The following TAFA2 variants were observed in gnomAD, a reference collection of about 807,000 sequenced individuals.
TAFA2 encodes the protein TAFA chemokine like family member 2, also known as chemokine-like protein TAFA-2.
A neutral mutation model predicts 18.8 loss-of-function variants in TAFA2; 7 were observed. The observed-to-expected ratio is 0.37, with a 90% CI of 0.21 to 0.70. The LOEUF is 0.70. Ranked by LOEUF, TAFA2 falls within the 30% of genes least tolerant of loss-of-function variation. The probability of loss-of-function intolerance (pLI) is 0.53; values close to 1 mark genes in which losing one functional copy is unlikely to be tolerated. For missense variants in TAFA2, 122 were observed against 158.1 expected (o/e 0.77, Z 1.23); for synonymous variants, 60 against 54.2 (o/e 1.11, Z -0.47).
intron 1 of TAFA2, among the ~76,000 whole-genome samples, chr12:62,224,967 G>A (rs754449247): frequency 4.6e-5 from 7 of 152,178 alleles, no homozygotes; most frequent in Non-Finnish European, 8.8e-5. Context: ...AGTTCCACAC[G>A]CCTGTAATCC....
chr12:61,745,740 C>T (rs1370144215), intron 4 of TAFA2, among the ~76,000 whole-genome samples: 1 of 151,972 alleles, frequency 6.6e-6, no homozygotes, highest in Non-Finnish European at 1.5e-5. Context: ...AGAGATTCTG[C>T]AGATGTAATT....
intron 2 of TAFA2, among the ~76,000 whole-genome samples, chr12:61,837,971 A>G (rs1057029345): frequency 2.0e-5 from 3 of 151,998 alleles, no homozygotes; most frequent in Non-Finnish European, 4.4e-5. Context: ...TGAAAATTCT[A>G]TGCTGCCACA....
At chr12:62,222,160 G>A (rs1417403313) in intron 1 of TAFA2, among the ~76,000 whole-genome samples, 1 of 152,084 alleles carries the variant, frequency 6.6e-6, no homozygotes, top group African/African-American at 2.4e-5. Flanking sequence ...GCCTACCTGT[G>A]CCTATATGCC....
chr12:62,053,189 A>C (rs1215335764), intron 1 of TAFA2, among the ~76,000 whole-genome samples: 1 of 152,236 alleles, frequency 6.6e-6, no homozygotes, highest in Non-Finnish European at 1.5e-5. Flanking sequence ...AAAAGCAATC[A>C]GTACATTTTC....
intron 1 of TAFA2, among the ~76,000 whole-genome samples, chr12:61,906,701 A>G (rs1457775357): frequency 6.6e-6 from 1 of 152,196 alleles, no homozygotes; most frequent in Non-Finnish European, 1.5e-5. Context: ...GAAAGTTTGG[A>G]TCTTCCTGGA....
In TAFA2 at chr12:61,936,567, C is replaced by CA. The variant is rs561215187; in HGVS notation, c.-1-69142dup. On this transcript the variant is annotated intron_variant, in intron 1 of 4. Coordinates refer to ENST00000416284, the MANE Select transcript of TAFA2 (RefSeq NM_178539.5). ...TGGGTGACAGAATGAGACTCCGTCT[C>CA]AAAAAAACATAAAAATACAAATAAA... Among the ~76,000 whole-genome samples the CA allele has an allele frequency of 5.5e-4, 82 of 148,334 alleles. 1 individual carries two copies. The South Asian group carries it at 0.016, about 29-fold the overall frequency.
chr12:62,025,185 T>C (rs924172344), intron 1 of TAFA2, among the ~76,000 whole-genome samples: 1 of 152,144 alleles, frequency 6.6e-6, no homozygotes, highest in Non-Finnish European at 1.5e-5. Flanking sequence ...TTTTCACTTA[T>C]AAGTGGGAGC....
At chr12:62,217,429 T>G (rs1316060448) in intron 1 of TAFA2, among the ~76,000 whole-genome samples, 1 of 152,194 alleles carries the variant, frequency 6.6e-6, no homozygotes, top group Non-Finnish European at 1.5e-5. Context: ...TGGGCCCTGG[T>G]AGACAGAGAG....
At position 62,075,075 on chromosome 12, in the gene TAFA2, T is replaced by A. The variant is rs188527981; in HGVS notation, c.-2+116184A>T. Among the ~76,000 whole-genome samples, 32 of 152,324 alleles carry A rather than the reference T, an allele frequency of 2.1e-4. No homozygotes were observed. In the East Asian group the frequency reaches 5.6e-3, roughly 27 times the overall value. ...AAATATGGACATAAATGTTATTACA[T>A]TTTCAGATGACAACCATTGAACCAA... On this transcript the variant is annotated intron_variant, in intron 1 of 4. Transcript: ENST00000416284.
intron 4 of TAFA2, among the ~76,000 whole-genome samples, chr12:61,741,492 AT>A (rs1355578957): frequency 6.6e-6 from 1 of 152,160 alleles, no homozygotes; most frequent in African/African-American, 2.4e-5. Context: ...ATGGAATATA[AT>A]ATTTAGATTC....
intron 1 of TAFA2, among the ~76,000 whole-genome samples, chr12:61,900,840 T>G (rs974294463): frequency 1.3e-5 from 2 of 152,258 alleles, no homozygotes; most frequent in African/African-American, 4.8e-5. Flanking sequence ...GATTAATGTT[T>G]GTTTTTTAAT....
chr12:61,875,339 T>C (rs1874795361), intron 1 of TAFA2, among the ~76,000 whole-genome samples: 2 of 152,134 alleles, frequency 1.3e-5, no homozygotes, highest in Non-Finnish European at 2.9e-5. Flanking sequence ...TTCTGTTTTT[T>C]ATTCAGTGCT....
At position 61,728,466 on chromosome 12, in the gene TAFA2, T is replaced by G. The variant is rs532243546; in HGVS notation, c.385-18049A>C. ...TTTCTCTGTTGGACTAGTCTTTTTA[T>G]CACTATATAATGTCCTTCTTCCTCC... On this transcript the variant is annotated intron_variant, in intron 4 of 4. Coordinates refer to ENST00000416284, the MANE Select transcript of TAFA2 (RefSeq NM_178539.5). Among the ~76,000 whole-genome samples, 5 of 152,168 alleles carry G rather than the reference T, an allele frequency of 3.3e-5. No homozygotes were observed. In the South Asian group the frequency reaches 1.0e-3, roughly 32 times the overall value.
chr12:61,730,201 A>C (rs1870373784), intron 4 of TAFA2, among the ~76,000 whole-genome samples: 1 of 152,050 alleles, frequency 6.6e-6, no homozygotes, highest in Admixed American at 6.6e-5. Context: ...CTGAACACTG[A>C]TTATGCTAGC....
At chr12:62,147,326 G>GTATATATATATA (rs1219861920) in intron 1 of TAFA2, among the ~76,000 whole-genome samples, 1 of 19,558 alleles carries the variant, frequency 5.1e-5, no homozygotes, top group African/African-American at 1.2e-4. Context: ...GTGTATGTAT[G>GTATATATATATA]TATATATATA....
At chr12:61,795,482 A>G (rs1871152279) in intron 2 of TAFA2, among the ~76,000 whole-genome samples, 2 of 152,092 alleles carry the variant, frequency 1.3e-5, no homozygotes, top group Non-Finnish European at 2.9e-5. Context: ...TCGCAAGGAC[A>G]AAAAACCAAA....
chr12:61,999,611 C>T (rs1251513663), intron 1 of TAFA2, among the ~76,000 whole-genome samples: 2 of 152,164 alleles, frequency 1.3e-5, no homozygotes, highest in Non-Finnish European at 1.5e-5. Flanking sequence ...CAATTTGAAA[C>T]TCCCAAGCAA....
At position 61,734,330 on chromosome 12, in the gene TAFA2, T is replaced by C. The variant is rs568315754; in HGVS notation, c.384+19292A>G. On this transcript the variant is annotated intron_variant, in intron 4 of 4. Coordinates refer to ENST00000416284, the MANE Select transcript of TAFA2 (RefSeq NM_178539.5). ...ATTGAACATTGAAAACACATGGACA[T>C]GGGAAGGGGAACATCACACTCTGGG... Among the ~76,000 whole-genome samples, 161 of 121,604 alleles carry C rather than the reference T, an allele frequency of 1.3e-3. 2 individuals carry two copies. The highest frequency in any genetic ancestry group is 4.7e-3 in the African/African-American group (148 of 31,188). 79.8% of individuals were successfully genotyped at this position (121,604 alleles called of 152,430 possible). A position where few individuals can be genotyped will look rare whatever the true frequency, so the allele number is the denominator to read the frequency against.
chr12:62,058,013 GCT>G (rs1365239248), intron 1 of TAFA2, among the ~76,000 whole-genome samples: 1 of 152,070 alleles, frequency 6.6e-6, no homozygotes, highest in East Asian at 1.9e-4. Context: ...CTTTCATTTT[GCT>G]CTCATTCTAA....
Sources: gnomAD v4.1 joint callset for allele counts (sites outside exome capture counted in the v4.1 genomes callset) on GRCh38, gnomAD v4.1.1 for gene constraint, MANE v1.5 for transcripts, NCBI Gene and HGNC (gene_info 2026-07-23, HGNC 2026-07-21) for gene names.